The following MTOR variants were observed in gnomAD, a reference collection of about 807,000 sequenced individuals.
MTOR encodes the protein serine/threonine-protein kinase mTOR.
In MTOR, 70 loss-of-function variants were observed where a neutral mutation model predicts 319.8. That is an observed-to-expected ratio of 0.22 (90% CI 0.18 to 0.27). MTOR has a LOEUF of 0.27. Ranked by LOEUF, MTOR falls within the 10% of genes least tolerant of loss-of-function variation. The pLI, the probability that MTOR is intolerant of heterozygous loss-of-function variation, is 1.00. For synonymous variants in MTOR, 1,183 were observed against 1,211.4 expected, an observed-to-expected ratio of 0.98 and a Z score of 0.49; for missense variants, 1,890 against 3,274.4, an observed-to-expected ratio of 0.58 and a Z score of 10.32.
chr1:11,261,261 C>G (rs1265899283), intron 1 of MTOR, among the ~76,000 whole-genome samples: 3 of 149,994 alleles, frequency 2.0e-5, no homozygotes, highest in South Asian at 2.1e-4. Flanking sequence ...GTCAGGAAAT[C>G]GAGACCATCC....
Position 11,237,833 on chromosome 1 carries a change from C to A in MTOR, c.2208+10G>T, listed in dbSNP as rs756051553. 1 of 1,613,844 alleles carries A rather than the reference C, an allele frequency of 6.2e-7. No homozygotes were observed. The highest frequency in any genetic ancestry group is 8.5e-7 in the Non-Finnish European group (1 of 1,180,012). On this transcript the variant is annotated intron_variant, in intron 13 of 57. Coordinates refer to ENST00000361445, the MANE Select transcript of MTOR (RefSeq NM_004958.4). ...TCCCTGCCTGTGGGTCTGGCCATCA[C>A]CTCGGTTACCTGGATGAGCATCTTG...
At chr1:11,118,185 G>C (rs1642275758) in intron 49 of MTOR, among the ~76,000 whole-genome samples, 1 of 143,332 alleles carries the variant, frequency 7.0e-6, no homozygotes, top group Non-Finnish European at 1.5e-5. Context: ...GGCTAGTCAT[G>C]TTTAAAAAAA....
At chr1:11,234,836 C>T (rs771185397) in intron 13 of MTOR, among the ~76,000 whole-genome samples, 1 of 151,998 alleles carries the variant, frequency 6.6e-6, no homozygotes, top group Non-Finnish European at 1.5e-5. Context: ...CTGGAGATAA[C>T]ACATTGGTTC....
intron 49 of MTOR, among the ~76,000 whole-genome samples, chr1:11,117,668 AT>A (rs1642241661): frequency 6.6e-6 from 1 of 152,194 alleles, no homozygotes; most frequent in South Asian, 2.1e-4. Flanking sequence ...AAGAAAAAAA[AT>A]AGATGACGAT....
In MTOR at chr1:11,130,660, C is replaced by T. The variant is rs745356268; in HGVS notation, c.5482G>A (p.Ala1828Thr). 14 of 1,612,492 alleles carry T rather than the reference C, an allele frequency of 8.7e-6. No homozygotes were observed. Among genetic ancestry groups the T allele is most frequent in the African/African-American group, 1.3e-5 (1 of 74,842 alleles). ...RHASGANITNATTAATTAATA... is the reference protein window; with the variant it reads ...RHASGANITNTTTAATTAATA... ...GCGGCCGTGGTGGCGGCAGTGGTGG[C>T]GTTGGTGATGTTGGCCCCGCTGGCA... Residue 1828 changes from alanine to threonine, a missense_variant, in exon 39 of 58, where the codon GCC becomes ACC. By Grantham distance (58) the Ala-to-Thr change is moderately conservative (BLOSUM62 0). This residue lies in a region of MTOR where 91 missense variants were observed against 90.4 expected (regional missense o/e 1.01). Coordinates refer to ENST00000361445, the MANE Select transcript of MTOR (RefSeq NM_004958.4).
chr1:11,249,023 A>C (rs1649226546), intron 6 of MTOR, among the ~76,000 whole-genome samples: 1 of 152,180 alleles, frequency 6.6e-6, no homozygotes, highest in Non-Finnish European at 1.5e-5. Flanking sequence ...CAGGAGTTCG[A>C]GACCAGTCTG....
rs1642089964 is a variant in MTOR at position 11,115,014 on chromosome 1, T to C, written c.7090-127A>G. On this transcript the variant is annotated intron_variant, in intron 51 of 57. Coordinates refer to ENST00000361445, the MANE Select transcript of MTOR (RefSeq NM_004958.4). This position sits in a 1 kb window ranked among gnomAD's most constrained non-coding sequence, Gnocchi z 4.5. ...AATTATAGCAGGGAAAGGAAGCAGCTTGGGTTTAGTGAGAGGACTTGTCAC... is the reference window on the plus strand; with the variant it reads ...AATTATAGCAGGGAAAGGAAGCAGCCTGGGTTTAGTGAGAGGACTTGTCAC... 1 of 757,860 alleles carries C rather than the reference T, an allele frequency of 1.3e-6. No individual in the cohort carries two copies. The highest frequency in any genetic ancestry group is 2.3e-6 in the Non-Finnish European group (1 of 442,756). 46.9% of individuals were successfully genotyped at this position (757,860 alleles called of 1,614,324 possible).
rs1642905497 is a variant in MTOR, at chr1:11,127,576, C to A, written c.6216+48G>T. ...TTCTCATTTCATTTTTTTTTAGTGG[C>A]AGAATATTTCTACAGGGTTATGTCC... On this transcript the variant is annotated intron_variant, in intron 44 of 57. Coordinates refer to ENST00000361445, the MANE Select transcript of MTOR (RefSeq NM_004958.4). This position sits in a 1 kb window ranked among gnomAD's most constrained non-coding sequence, Gnocchi z 5.5. 2.0e-6 allele frequency: 3 copies of A among 1,524,182 alleles called. No homozygotes were observed. The highest frequency in any genetic ancestry group is 1.8e-6 in the Non-Finnish European group (2 of 1,135,942). 94.4% of individuals were successfully genotyped at this position (1,524,182 alleles called of 1,614,324 possible).
chr1:11,172,557 C>CAAAAA lies in MTOR; in HGVS notation c.4254-5045_4254-5041dup, dbSNP rs767483973. Among the ~76,000 whole-genome samples, 16 of 56,308 alleles carry CAAAAA rather than the reference C, an allele frequency of 2.8e-4. 1 individual carries two copies. Among genetic ancestry groups the CAAAAA allele is most frequent in the Non-Finnish European group, 5.6e-4 (14 of 24,820 alleles). The allele number at this position is 56,308 out of a possible 152,430, so 36.9% of individuals were successfully genotyped here. On this transcript the variant is annotated intron_variant, in intron 28 of 57. Transcript: ENST00000361445. The stretch of plus-strand genomic sequence containing the variant: ...CCTGGGTGACCGCGAGACTCTGTCT[C>CAAAAA]AAAAAAAAAAAAAAAAAAAAATACA...
intron 9 of MTOR, among the ~76,000 whole-genome samples, chr1:11,242,809 A>G (rs1180809738): frequency 6.6e-6 from 1 of 152,224 alleles, no homozygotes; most frequent in African/African-American, 2.4e-5. Flanking sequence ...TTATATCAAA[A>G]TAAGACTTTT....
At position 11,127,449 on chromosome 1, in the gene MTOR, T is replaced by C. The variant is rs2100404969; in HGVS notation, c.6216+175A>G. ...CTAATTTCTGATGTTTTATGCTCTGTGACCTCCATCAGAGCTCGTTTTATT... is the reference window on the plus strand; with the variant it reads ...CTAATTTCTGATGTTTTATGCTCTGCGACCTCCATCAGAGCTCGTTTTATT... On this transcript the variant is annotated intron_variant, in intron 44 of 57. Transcript: ENST00000361445. This position sits in a 1 kb window ranked among gnomAD's most constrained non-coding sequence, Gnocchi z 5.5. 6.6e-6 allele frequency among the ~76,000 whole-genome samples: 1 copy of C among 152,336 alleles called. No homozygotes were observed. Among genetic ancestry groups the C allele is most frequent in the African/African-American group, 2.4e-5 (1 of 41,572 alleles).
intron 34 of MTOR, among the ~76,000 whole-genome samples, chr1:11,143,597 T>C (rs890584251): frequency 6.6e-6 from 1 of 152,252 alleles, no homozygotes; most frequent in Non-Finnish European, 1.5e-5. Context: ...TATTCATAGA[T>C]GTTCCTTTGC....
At chr1:11,186,272 C>T (rs1040143775) in intron 28 of MTOR, among the ~76,000 whole-genome samples, 6 of 151,996 alleles carry the variant, frequency 3.9e-5, no homozygotes, top group Admixed American at 1.3e-4. Context: ...GTCTCTCCAA[C>T]GGGGCATTTT....
At chr1:11,251,769 G>C (rs1318114881) in intron 6 of MTOR, among the ~76,000 whole-genome samples, 1 of 150,736 alleles carries the variant, frequency 6.6e-6, no homozygotes, top group Admixed American at 6.6e-5. Flanking sequence ...TTGGATTACA[G>C]GCATGAGCCA....
chr1:11,128,713 C>T lies in MTOR; in HGVS notation c.5811+142G>A. 1 of 1,014,174 alleles carries T rather than the reference C, an allele frequency of 9.9e-7. No homozygotes were observed. The highest frequency in any genetic ancestry group is 1.5e-6 in the Non-Finnish European group (1 of 677,220). The allele number at this position is 1,014,174 out of a possible 1,614,324, so 62.8% of individuals were successfully genotyped here. A position where few individuals can be genotyped will look rare whatever the true frequency, so the allele number is the denominator to read the frequency against. On this transcript the variant is annotated intron_variant, in intron 41 of 57. Coordinates refer to ENST00000361445, the MANE Select transcript of MTOR (RefSeq NM_004958.4). The surrounding 1 kb of genome is among the most constrained non-coding windows in gnomAD (Gnocchi z 5.3). ...AAAGAAAATAAAGAAAATATGGACACTTGACACTGGGACCGAGCCCTACTT... is the reference window on the plus strand; with the variant it reads ...AAAGAAAATAAAGAAAATATGGACATTTGACACTGGGACCGAGCCCTACTT...
At chr1:11,125,223 C>T (rs891317111) in intron 46 of MTOR, among the ~76,000 whole-genome samples, 1 of 152,144 alleles carries the variant, frequency 6.6e-6, no homozygotes, top group Non-Finnish European at 1.5e-5. Flanking sequence ...TGTGCTTGTT[C>T]ATGAGCGCTC....
intron 52 of MTOR, 175 bp from the exon 53 acceptor site, chr1:11,114,628 T>G: frequency 9.4e-7 from 1 of 1,061,040 alleles, no homozygotes. Context: ...GGAAACCAGG[T>G]CAGAAGTGAA....
In MTOR at chr1:11,193,697, C is replaced by T. The variant is rs776858069; in HGVS notation, c.4253+5561G>A. ...GTACAAGCAGGGCTTTGGCAGCATC[C>T]GTGGGGACTTCTGGCTGGGGAACGA... On this transcript the variant is annotated intron_variant, in intron 28 of 57. Transcript: ENST00000361445. The T allele has an allele frequency of 1.4e-5, 22 of 1,614,090 alleles. No individual in the cohort carries two copies. The East Asian group carries it at 2.0e-4, about 15-fold the overall frequency.
intron 30 of MTOR, among the ~76,000 whole-genome samples, chr1:11,155,144 A>C (rs1268537722): frequency 6.6e-6 from 1 of 152,194 alleles, no homozygotes; most frequent in Non-Finnish European, 1.5e-5. Flanking sequence ...CAAGGCAGGA[A>C]ATGTCTAAAC....
Sources: gnomAD v4.1 joint callset for allele counts (sites outside exome capture counted in the v4.1 genomes callset) on GRCh38, gnomAD v4.1.1 for gene constraint, gnomAD v4.1.1 regional missense constraint, Gnocchi (gnomAD v3.1) non-coding constraint, MANE v1.5 for transcripts, NCBI Gene and HGNC (gene_info 2026-07-23, HGNC 2026-07-21) for gene names.